TNIK: variants seen among roughly 807,000 people sequenced by gnomAD.
TNIK encodes TRAF2 and NCK interacting kinase.
TNIK carries 49 observed loss-of-function variants against 191.3 expected under a neutral mutation model. The observed-to-expected ratio is 0.26, with a 90% CI of 0.20 to 0.32. The LOEUF is 0.32. Ranked by LOEUF, TNIK falls within the 10% of genes least tolerant of loss-of-function variation. The pLI is 1.00. For missense variants in TNIK, 1,155 were observed against 1,702.3 expected (o/e 0.68, Z 5.66); for synonymous variants, 594 against 600.9 (o/e 0.99, Z 0.17).
chr3:171,286,091 A>T (rs543044855), intron 2 of TNIK, among the ~76,000 whole-genome samples: 5 of 152,114 alleles, frequency 3.3e-5, no homozygotes, highest in African/African-American at 1.2e-4. Context: ...TTTGCTGGGG[A>T]GAGAGGGGAG....
intron 7 of TNIK, among the ~76,000 whole-genome samples, chr3:171,181,876 A>G (rs117265979): frequency 6.6e-6 from 1 of 152,380 alleles, no homozygotes; most frequent in East Asian, 1.9e-4. Flanking sequence ...ATACACATAC[A>G]GCAGTAATTT....
chr3:171,446,666 C>T (rs1178871754), intron 1 of TNIK, among the ~76,000 whole-genome samples: 1 of 152,054 alleles, frequency 6.6e-6, no homozygotes, highest in Non-Finnish European at 1.5e-5. Context: ...AAATATCTAC[C>T]TATGTGAAAA....
At chr3:171,102,364 T>C (rs1011210717) in intron 21 of TNIK, among the ~76,000 whole-genome samples, 2 of 152,154 alleles carry the variant, frequency 1.3e-5, no homozygotes, top group Non-Finnish European at 2.9e-5. Flanking sequence ...AATGTGCAAA[T>C]ACCAAAAGGA....
chr3:171,090,489 A>G (rs1405658701), intron 23 of TNIK, among the ~76,000 whole-genome samples: 1 of 151,020 alleles, frequency 6.6e-6, no homozygotes, highest in African/African-American at 2.5e-5. Context: ...TTGTAACCCA[A>G]AGAGCCTTCA....
At chr3:171,435,620 C>T (rs1359706098) in intron 1 of TNIK, among the ~76,000 whole-genome samples, 1 of 152,130 alleles carries the variant, frequency 6.6e-6, no homozygotes, top group Non-Finnish European at 1.5e-5. Flanking sequence ...GTACCCCATA[C>T]CTTTTTGACA....
intron 2 of TNIK, among the ~76,000 whole-genome samples, chr3:171,275,897 A>AAAATAAATAAATAAAT (rs71176599): frequency 6.7e-6 from 1 of 150,046 alleles, no homozygotes; most frequent in African/African-American, 2.4e-5. Flanking sequence ...ACTCCGTCTC[A>AAAATAAATAAATAAAT]AAATAAATAA....
At chr3:171,177,763 G>A (rs1004104032) in intron 7 of TNIK, among the ~76,000 whole-genome samples, 1 of 152,076 alleles carries the variant, frequency 6.6e-6, no homozygotes, top group Non-Finnish European at 1.5e-5. Context: ...TATGACGTAG[G>A]GATCCTCCTG....
intron 2 of TNIK, among the ~76,000 whole-genome samples, chr3:171,274,906 A>C (rs974119040): frequency 3.3e-5 from 5 of 152,226 alleles, no homozygotes; most frequent in African/African-American, 9.7e-5. Context: ...GACCCAATTA[A>C]TCTTGCAAAA....
chr3:171,218,794 A>C (rs1371568673), intron 3 of TNIK, among the ~76,000 whole-genome samples: 1 of 141,674 alleles, frequency 7.1e-6, no homozygotes, highest in Admixed American at 7.4e-5. Context: ...TATCATTTAC[A>C]TATTATATAT....
intron 2 of TNIK, among the ~76,000 whole-genome samples, chr3:171,353,018 A>G (rs1159102132): frequency 6.6e-6 from 1 of 152,198 alleles, no homozygotes; most frequent in African/African-American, 2.4e-5. Flanking sequence ...CATTTATTTC[A>G]ACATATTGGC....
chr3:171,266,024 T>C (rs764701130), intron 2 of TNIK, among the ~76,000 whole-genome samples: 1 of 151,808 alleles, frequency 6.6e-6, no homozygotes, highest in Non-Finnish European at 1.5e-5. Flanking sequence ...AAATGCAATC[T>C]AGAATCAAAA....
At chr3:171,325,864 G>GA (rs1404732180) in intron 2 of TNIK, among the ~76,000 whole-genome samples, 1 of 152,192 alleles carries the variant, frequency 6.6e-6, no homozygotes, top group African/African-American at 2.4e-5. Context: ...CCTCTTGAAT[G>GA]AAAAAGAGAC....
chr3:171,355,383 G>A (rs1338708736), intron 2 of TNIK, among the ~76,000 whole-genome samples: 1 of 152,212 alleles, frequency 6.6e-6, no homozygotes, highest in African/African-American at 2.4e-5. Context: ...CTCTTCATAA[G>A]TTCACAAGTG....
At chr3:171,067,442 G>A (rs575862851) in intron 30 of TNIK, among the ~76,000 whole-genome samples, 19 of 151,990 alleles carry the variant, frequency 1.3e-4, no homozygotes, top group Middle Eastern at 3.4e-3. Context: ...AGGCCGAGGC[G>A]GGCGGATCAC....
chr3:171,245,025 C>G (rs1241479521), intron 2 of TNIK, among the ~76,000 whole-genome samples: 2 of 152,056 alleles, frequency 1.3e-5, no homozygotes, highest in Admixed American at 1.3e-4. Context: ...GCAATTTCTT[C>G]CTGGATGCCA....
intron 3 of TNIK, among the ~76,000 whole-genome samples, chr3:171,222,745 T>A (rs1376518190): frequency 1.3e-5 from 2 of 152,104 alleles, no homozygotes; most frequent in Non-Finnish European, 2.9e-5. Context: ...GTCATAAGCT[T>A]CACCTACAGA....
intron 2 of TNIK, among the ~76,000 whole-genome samples, chr3:171,243,429 A>T (rs541849970): frequency 5.6e-4 from 36 of 64,420 alleles, no homozygotes; most frequent in African/African-American, 2.6e-3. Flanking sequence ...ATAGTAAATT[A>T]AAAAAAAAAA....
chr3:171,298,575 CTG>C (rs1167100072), intron 2 of TNIK, among the ~76,000 whole-genome samples: 2 of 152,130 alleles, frequency 1.3e-5, no homozygotes, highest in African/African-American at 4.8e-5. Context: ...GATCTTCTGG[CTG>C]TGTCCTTTCT....
intron 4 of TNIK, among the ~76,000 whole-genome samples, chr3:171,205,297 G>A (rs1310231310): frequency 6.6e-6 from 1 of 152,160 alleles, no homozygotes; most frequent in African/African-American, 2.4e-5. Context: ...TTGCCCTTAT[G>A]AGGCCTTTCA....
Sources: gnomAD v4.1 joint callset for allele counts (sites outside exome capture counted in the v4.1 genomes callset) on GRCh38, gnomAD v4.1.1 for gene constraint, MANE v1.5 for transcripts, NCBI Gene and HGNC (gene_info 2026-07-23, HGNC 2026-07-21) for gene names.